The following SAMMSON variants were observed in gnomAD, a reference collection of about 807,000 sequenced individuals.
SAMMSON encodes survival associated mitochondrial melanoma specific oncogenic non-coding RNA, also known as long intergenic non-protein coding RNA 1212.
intron 3 of SAMMSON, chr3:70,065,221 G>A (rs910152065): frequency 6.6e-6 from 1 of 151,962 alleles, no homozygotes; most frequent in Non-Finnish European, 1.5e-5. Context: ...GAGGTCACTG[G>A]TCTTTCCTTT....
At chr3:70,183,585 T>C (rs1434502631) in intron 4 of SAMMSON, 1 of 152,220 alleles carries the variant, frequency 6.6e-6, no homozygotes, top group Admixed American at 6.5e-5. Flanking sequence ...TTATTTAATT[T>C]GGAAGTTATA....
chr3:70,059,002 G>C (rs143270658), intron 3 of SAMMSON, among the ~76,000 whole-genome samples: 78 of 152,170 alleles, frequency 5.1e-4, no homozygotes, highest in African/African-American at 1.7e-3. Context: ...GGAAATCAGG[G>C]AGGCTAGTTG....
At chr3:70,082,971 A>T (rs941088310) in intron 4 of SAMMSON, among the ~76,000 whole-genome samples, 1 of 152,198 alleles carries the variant, frequency 6.6e-6, no homozygotes, top group Admixed American at 6.5e-5. Context: ...TCAAATCCAG[A>T]CAGCCTGGCT....
intron 7 of SAMMSON, among the ~76,000 whole-genome samples, chr3:70,343,354 T>C (rs1014723734): frequency 1.3e-4 from 20 of 152,188 alleles, no homozygotes; most frequent in Non-Finnish European, 2.5e-4. Flanking sequence ...TCATTACCTT[T>C]AGTATTAATA....
intron 6 of SAMMSON, among the ~76,000 whole-genome samples, chr3:70,287,746 G>T (rs1243814831): frequency 7.3e-5 from 11 of 150,990 alleles, no homozygotes; most frequent in African/African-American, 2.7e-4. Flanking sequence ...TCCTGTTATT[G>T]GTCTATTCAG....
chr3:70,019,630 G>T (rs2067002623), intron 3 of SAMMSON, among the ~76,000 whole-genome samples: 1 of 152,184 alleles, frequency 6.6e-6, no homozygotes, highest in South Asian at 2.1e-4. Flanking sequence ...TCATTATGAT[G>T]TTAGCTGGTT....
chr3:70,285,885 G>A lies in SAMMSON; in HGVS notation n.675-5294G>A, dbSNP rs1268496419. Among the ~76,000 whole-genome samples the A allele has an allele frequency of 3.3e-4, 48 of 147,446 alleles. No individual in the cohort carries two copies. The South Asian group carries it at 3.4e-3, about 10-fold the overall frequency. ...TGAGAAGTGTCTGTTCATGTCCTTC[G>A]CCCACTTTTTGATGGGGTTGTTTGT... On this transcript the variant is annotated intron_variant and non_coding_transcript_variant, in intron 6 of 9. Transcript: ENST00000642114.
chr3:70,389,457 C>T (rs537458338), intron 9 of SAMMSON: 6 of 152,202 alleles, frequency 3.9e-5, no homozygotes, highest in African/African-American at 1.4e-4. Flanking sequence ...TTCTCTTGAT[C>T]TTCTCCTAAC....
At chr3:70,405,282 CA>C (rs1199376544) in intron 2 of SAMMSON, among the ~76,000 whole-genome samples, 2 of 151,782 alleles carry the variant, frequency 1.3e-5, no homozygotes, top group Non-Finnish European at 2.9e-5. Context: ...CACTGATGGC[CA>C]AAAAATAAAA....
intron 9 of SAMMSON, among the ~76,000 whole-genome samples, chr3:70,378,929 T>A (rs1703042577): frequency 6.6e-6 from 1 of 152,112 alleles, no homozygotes; most frequent in Admixed American, 6.6e-5. Flanking sequence ...TGTTGTGTTC[T>A]TTAGGATAAG....
intron 3 of SAMMSON, among the ~76,000 whole-genome samples, chr3:70,067,111 T>C (rs1327245306): frequency 6.6e-6 from 1 of 151,928 alleles, no homozygotes; most frequent in Non-Finnish European, 1.5e-5. Context: ...CAGGGAAACT[T>C]AAAAGCAAAA....
intron 7 of SAMMSON, among the ~76,000 whole-genome samples, chr3:70,333,532 T>C (rs968041758): frequency 3.3e-5 from 5 of 152,342 alleles, no homozygotes; most frequent in African/African-American, 1.2e-4. Flanking sequence ...ATACGGATTC[T>C]GTGCAAGAAA....
At chr3:70,419,686 T>G (rs1262739167) in intron 2 of SAMMSON, among the ~76,000 whole-genome samples, 3 of 152,176 alleles carry the variant, frequency 2.0e-5, no homozygotes, top group African/African-American at 7.2e-5. Context: ...TCACCCAGGC[T>G]GAAGTGTAGT....
chr3:70,207,969 C>G (rs1454594793), intron 4 of SAMMSON, among the ~76,000 whole-genome samples: 3 of 152,018 alleles, frequency 2.0e-5, no homozygotes. Context: ...ATGACTAAGA[C>G]AGGCGTGGAC....
At chr3:70,312,605 G>C (rs1047124013) in intron 7 of SAMMSON, 2 of 152,250 alleles carry the variant, frequency 1.3e-5, no homozygotes, top group East Asian at 1.9e-4. Context: ...GTGAGCTGCA[G>C]CCTCCCTTGT....
chr3:70,378,004 GTA>G (rs1447090258), intron 9 of SAMMSON, among the ~76,000 whole-genome samples: 3 of 151,914 alleles, frequency 2.0e-5, no homozygotes, highest in Non-Finnish European at 2.9e-5. Context: ...TTGTTTATTG[GTA>G]TACACGTTAA....
At position 70,322,708 on chromosome 3, in the gene SAMMSON, T is replaced by C. The variant is rs956203612; in HGVS notation, n.739+31465T>C. Among the ~76,000 whole-genome samples the C allele has an allele frequency of 2.0e-5, 3 of 152,236 alleles. No homozygotes were observed. The East Asian group carries it at 5.8e-4, about 29-fold the overall frequency. On this transcript the variant is annotated intron_variant and non_coding_transcript_variant, in intron 7 of 9. Coordinates refer to ENST00000642114, the Ensembl canonical transcript of SAMMSON. ...TAACATTTGATCAGCTATTCACAAATGATGTCTTTGTATCCTTTAAAGAAC... is the reference window on the plus strand; with the variant it reads ...TAACATTTGATCAGCTATTCACAAACGATGTCTTTGTATCCTTTAAAGAAC...
chr3:70,406,139 A>T (rs1241748102), intron 2 of SAMMSON, among the ~76,000 whole-genome samples: 3 of 152,230 alleles, frequency 2.0e-5, no homozygotes, highest in African/African-American at 7.2e-5. Context: ...ATATTTCAAA[A>T]CATCATGTTG....
chr3:70,309,147 A>G (rs547552305), intron 7 of SAMMSON, among the ~76,000 whole-genome samples: 1 of 152,144 alleles, frequency 6.6e-6, no homozygotes, highest in South Asian at 2.1e-4. Context: ...CACTGTAATA[A>G]AATGGTTTAA....
Sources: allele counts gnomAD v4.1 joint callset (sites outside exome capture counted in the v4.1 genomes callset), GRCh38; gene constraint gnomAD v4.1.1; transcripts MANE v1.5; gene names NCBI Gene and HGNC (gene_info 2026-07-23, HGNC 2026-07-21).